Variants in ZNF430 observed in about 807,000 individuals in gnomAD.
ZNF430 encodes the protein zinc finger protein 430.
In ZNF430, 35 loss-of-function variants were observed where a neutral mutation model predicts 56.7. That is an observed-to-expected ratio of 0.62 (90% CI 0.47 to 0.82). The LOEUF (loss-of-function observed/expected upper bound fraction) is 0.82, where lower values mean the gene tolerates loss of function less well. Ranked by LOEUF, ZNF430 falls within the 40% of genes least tolerant of loss-of-function variation. The pLI is 0.00. For missense variants in ZNF430, 574 were observed against 661.0 expected, an observed-to-expected ratio of 0.87 and a Z score of 1.44; for synonymous variants, 212 against 224.3, an observed-to-expected ratio of 0.94 and a Z score of 0.49.
intron 4 of ZNF430, among the ~76,000 whole-genome samples, chr19:21,037,144 G>A (rs536594097): frequency 4.1e-5 from 6 of 146,208 alleles, no homozygotes; most frequent in Non-Finnish European, 8.9e-5. Context: ...TTGAGACGGA[G>A]TCTCCTGTCA....
At chr19:21,046,264 A>T (rs1205836218) in intron 4 of ZNF430, among the ~76,000 whole-genome samples, 1 of 150,110 alleles carries the variant, frequency 6.7e-6, no homozygotes, top group Non-Finnish European at 1.5e-5. Context: ...TGTTGCAGTT[A>T]GTCAAGATTG....
At position 21,058,592 on chromosome 19, in the gene ZNF430, C is replaced by T. The variant is rs1968421489; in HGVS notation, c.*571C>T. On this transcript the variant is annotated 3_prime_UTR_variant, in exon 5 of 5. Coordinates refer to ENST00000261560, the MANE Select transcript of ZNF430 (RefSeq NM_025189.4). ...AGAAATGTAAAGAATGTGACAAGGC[C>T]TTTAAATGGTTGTCACACTTCATTA... The T allele has an allele frequency of 6.3e-6, 1 of 158,068 alleles. No homozygotes were observed. The highest frequency in any genetic ancestry group is 1.4e-5 in the Non-Finnish European group (1 of 69,110). The allele number at this position is 158,068 out of a possible 1,614,324, so 9.8% of individuals were successfully genotyped here.
intron 4 of ZNF430, among the ~76,000 whole-genome samples, chr19:21,054,953 C>A (rs893584701): frequency 6.6e-6 from 1 of 151,872 alleles, no homozygotes; most frequent in Admixed American, 6.6e-5. Flanking sequence ...GTATTACAGG[C>A]GTGAGCCACC....
intron 4 of ZNF430, chr19:21,053,296 T>A (rs1173730973): frequency 6.6e-6 from 1 of 152,166 alleles, no homozygotes; most frequent in East Asian, 1.9e-4. Flanking sequence ...TGCTTCTTTA[T>A]GTCTTTATTT....
In ZNF430 at chr19:21,034,186, T is replaced by G. The variant is rs771777444; in HGVS notation, c.322+2T>G. The stretch of plus-strand genomic sequence containing the variant: ...ATGCGATGGTAGATCAACCCCCAGG[T>G]AGGTGAGAGTGAACACAACAGACGA... On this transcript the variant is annotated splice_donor_variant, in intron 4 of 4. Coordinates refer to ENST00000261560, the MANE Select transcript of ZNF430 (RefSeq NM_025189.4). LOFTEE classifies it high-confidence loss of function. 1.3e-6 allele frequency: 2 copies of G among 1,585,626 alleles called. 1 individual carries two copies. The highest frequency in any genetic ancestry group is 2.7e-5 in the African/African-American group (2 of 73,912).
chr19:21,054,257 T>C (rs1376222278), intron 4 of ZNF430, among the ~76,000 whole-genome samples: 1 of 152,226 alleles, frequency 6.6e-6, no homozygotes, highest in Non-Finnish European at 1.5e-5. Context: ...TCTATGATGA[T>C]GTGTTGTTTC....
rs1968438520 is a variant in ZNF430, at chr19:21,059,721, G to T, written c.*1700G>T. 1 of 151,978 alleles carries T rather than the reference G, an allele frequency of 6.6e-6. No individual in the cohort carries two copies. Among genetic ancestry groups the T allele is most frequent in the Non-Finnish European group, 1.5e-5 (1 of 68,018 alleles). 9.4% of individuals were successfully genotyped at this position (151,978 alleles called of 1,614,324 possible). A position where few individuals can be genotyped will look rare whatever the true frequency, so the allele number is the denominator to read the frequency against. ...TTCAACTCTCAAAATATTTCCTACT[G>T]TTTCTTTATTCCAGTTGTATTCACA... is the stretch of plus-strand genomic sequence containing the variant. On this transcript the variant is annotated 3_prime_UTR_variant, in exon 5 of 5. Transcript: ENST00000261560.
intron 2 of ZNF430, among the ~76,000 whole-genome samples, chr19:21,030,416 AT>A (rs1967879556): frequency 6.6e-6 from 1 of 152,248 alleles, no homozygotes; most frequent in Non-Finnish European, 1.5e-5. Flanking sequence ...AAAATGTGTT[AT>A]TCCCAGCACA....
intron 2 of ZNF430, among the ~76,000 whole-genome samples, chr19:21,029,856 T>C (rs1967869238): frequency 6.6e-6 from 1 of 152,012 alleles, no homozygotes; most frequent in Non-Finnish European, 1.5e-5. Context: ...TCCCAGCTGC[T>C]CAGGAGGCTG....
chr19:21,039,881 A>G (rs1044260900), intron 4 of ZNF430, among the ~76,000 whole-genome samples: 1 of 151,792 alleles, frequency 6.6e-6, no homozygotes, highest in African/African-American at 2.4e-5. Context: ...ATACTCCGTC[A>G]CCCAGGCTGG....
At position 21,056,914 on chromosome 19, in the gene ZNF430, G is replaced by A; in HGVS notation, c.606G>A (p.Lys202=). ...PNIQKIRHTG[K]KPFKCKKCDK... is the part of the protein sequence containing the mutation. ...TACAAAAGATAAGACATACTGGAAA[G>A]AAGCCTTTCAAATGTAAAAAATGTG... The change falls in exon 5 of 5, where the codon AAG becomes AAA. Residue 202 remains lysine, a synonymous_variant. Transcript: ENST00000261560. The A allele has an allele frequency of 6.2e-7, 1 of 1,612,842 alleles. No individual in the cohort carries two copies. Among genetic ancestry groups the A allele is most frequent in the East Asian group, 2.2e-5 (1 of 44,832 alleles).
chr19:21,040,669 C>T (rs758441183), intron 4 of ZNF430, among the ~76,000 whole-genome samples: 10 of 152,164 alleles, frequency 6.6e-5, no homozygotes, highest in African/African-American at 9.7e-5. Context: ...ATAGTTAATA[C>T]AGTCTATAAT....
At chr19:21,027,802 C>T (rs970362418) in intron 2 of ZNF430, among the ~76,000 whole-genome samples, 1 of 152,006 alleles carries the variant, frequency 6.6e-6, no homozygotes, top group Admixed American at 6.6e-5. Context: ...CTATTTCTTA[C>T]TAATTCAATT....
chr19:21,054,331 C>T (rs775350219), intron 4 of ZNF430, among the ~76,000 whole-genome samples: 6 of 151,124 alleles, frequency 4.0e-5, no homozygotes, highest in Admixed American at 2.0e-4. Flanking sequence ...GTAGAGCATA[C>T]GGAGTACCAA....
Position 21,020,817 on chromosome 19 carries a change from G to C in ZNF430, c.3+14G>C, listed in dbSNP as rs185328037. ...AGCCTAGAAATGGTGAGAGTGCCGG[G>C]TCCGACATCCCCAGAGAGGGGAGGG... is the stretch of plus-strand genomic sequence containing the variant. On this transcript the variant is annotated intron_variant, in intron 1 of 4. Transcript: ENST00000261560. The C allele has an allele frequency of 2.5e-6, 4 of 1,613,892 alleles. No homozygotes were observed. Among genetic ancestry groups the C allele is most frequent in the Admixed American group, 3.3e-5 (2 of 60,022 alleles).
intron 4 of ZNF430, among the ~76,000 whole-genome samples, chr19:21,050,315 C>T (rs936466649): frequency 1.3e-5 from 2 of 151,754 alleles, no homozygotes; most frequent in Non-Finnish European, 2.9e-5. Flanking sequence ...TAGGGTATGC[C>T]ACCTCATACC....
rs76258718 is a variant in ZNF430 at position 21,047,981 on chromosome 19, C to T, written c.323-8650C>T. Among the ~76,000 whole-genome samples, 632 of 152,168 alleles carry T rather than the reference C, an allele frequency of 4.2e-3. 6 individuals carry two copies. Among genetic ancestry groups the T allele is most frequent in the Admixed American group, 0.029 (437 of 15,266 alleles). On this transcript the variant is annotated intron_variant, in intron 4 of 4. Coordinates refer to ENST00000261560, the MANE Select transcript of ZNF430 (RefSeq NM_025189.4). ...ATCTGCAGAAACCACCTCATTGTTC[C>T]TGTTTTATGTATTTCTTGTAGATAA...
chr19:21,041,692 C>G (rs751641590), intron 4 of ZNF430, among the ~76,000 whole-genome samples: 23 of 145,234 alleles, frequency 1.6e-4, no homozygotes, highest in South Asian at 4.6e-4. Flanking sequence ...TGTGTTGTTC[C>G]CCTCTATGTG....
chr19:21,020,683 G>A lies in ZNF430; in HGVS notation c.-118G>A. 1 of 1,463,106 alleles carries A rather than the reference G, an allele frequency of 6.8e-7. No homozygotes were observed. The highest frequency in any genetic ancestry group is 2.3e-5 in the East Asian group (1 of 43,760). 90.6% of individuals were successfully genotyped at this position (1,463,106 alleles called of 1,614,324 possible). A position where few individuals can be genotyped will look rare whatever the true frequency, so the allele number is the denominator to read the frequency against. On this transcript the variant is annotated 5_prime_UTR_variant, in exon 1 of 5. Transcript: ENST00000261560. ...TCCCTCGCTGTGGCCTGAGCTCCAG[G>A]TCTCGTCTTCAGCGCTCTGTGTCCT...
Sources: allele counts gnomAD v4.1 joint callset (sites outside exome capture counted in the v4.1 genomes callset), GRCh38; gene constraint gnomAD v4.1.1; transcripts MANE v1.5; gene names NCBI Gene and HGNC (gene_info 2026-07-23, HGNC 2026-07-21).